The following OR9Q1 variants were observed in gnomAD, a reference collection of about 807,000 sequenced individuals.
The protein encoded by OR9Q1 is olfactory receptor 9Q1.
For synonymous variants in OR9Q1, 153 were observed against 148.6 expected, an observed-to-expected ratio of 1.03 and a Z score of -0.22; for missense variants, 374 against 378.8, an observed-to-expected ratio of 0.99 and a Z score of 0.11.
chr11:58,118,519 T>A (rs1193324952), intron 2 of OR9Q1: 7 of 1,604,918 alleles, frequency 4.4e-6, no homozygotes, highest in Non-Finnish European at 5.1e-6. Flanking sequence ...CAGGGACACC[T>A]GGAGTCTCCT....
chr11:58,126,753 A>G (rs1046616864), intron 2 of OR9Q1, among the ~76,000 whole-genome samples: 2 of 152,222 alleles, frequency 1.3e-5, no homozygotes, highest in Non-Finnish European at 2.9e-5. Flanking sequence ...GGAATGGTAT[A>G]GAAGGTAGAG....
chr11:58,116,111 G>A (rs898407940), intron 2 of OR9Q1, among the ~76,000 whole-genome samples: 2 of 152,136 alleles, frequency 1.3e-5, no homozygotes, highest in South Asian at 2.1e-4. Flanking sequence ...CCCATAGGGT[G>A]GATTAAAAAT....
intron 1 of OR9Q1, among the ~76,000 whole-genome samples, chr11:58,053,508 T>G: frequency 7.0e-6 from 1 of 141,846 alleles, no homozygotes; most frequent in Admixed American, 7.1e-5. Context: ...AAATGACGAG[T>G]TAATGGGTGC....
At chr11:58,164,230 C>T (rs980897293) in intron 2 of OR9Q1, among the ~76,000 whole-genome samples, 1 of 152,154 alleles carries the variant, frequency 6.6e-6, no homozygotes, top group South Asian at 2.1e-4. Flanking sequence ...AATCCTTCCA[C>T]GTTCCTGTCT....
intron 2 of OR9Q1, chr11:58,144,829 GT>G (rs1321298190): frequency 2.0e-5 from 3 of 152,424 alleles, no homozygotes; most frequent in African/African-American, 7.2e-5. Flanking sequence ...CCTTTTGGCT[GT>G]GATGGCTTAT....
intron 2 of OR9Q1, among the ~76,000 whole-genome samples, chr11:58,156,267 T>A (rs977071262): frequency 2.0e-5 from 3 of 152,128 alleles, no homozygotes; most frequent in African/African-American, 7.2e-5. Flanking sequence ...TTATAAAGCC[T>A]AGAAATTCAA....
intron 1 of OR9Q1, among the ~76,000 whole-genome samples, chr11:58,038,876 C>T (rs1384481885): frequency 6.6e-6 from 1 of 152,072 alleles, no homozygotes; most frequent in Non-Finnish European, 1.5e-5. Flanking sequence ...TTTTACATGC[C>T]AAGTCCTTAG....
intron 2 of OR9Q1, among the ~76,000 whole-genome samples, chr11:58,160,373 G>A (rs1206327175): frequency 6.6e-6 from 1 of 152,148 alleles, no homozygotes; most frequent in Non-Finnish European, 1.5e-5. Context: ...GATTGAATGT[G>A]GGCTATAGGA....
At chr11:58,075,785 G>A (rs1424331024) in intron 2 of OR9Q1, among the ~76,000 whole-genome samples, 1 of 152,244 alleles carries the variant, frequency 6.6e-6, no homozygotes, top group Non-Finnish European at 1.5e-5. Context: ...GCTAAGACAA[G>A]TGATGGCATG....
At chr11:58,064,567 G>T (rs1290212807) in intron 2 of OR9Q1, among the ~76,000 whole-genome samples, 1 of 152,116 alleles carries the variant, frequency 6.6e-6, no homozygotes, top group African/African-American at 2.4e-5. Flanking sequence ...GTTGGTTGTG[G>T]GTGGAAGCTG....
intron 2 of OR9Q1, among the ~76,000 whole-genome samples, chr11:58,096,774 G>T (rs1853736712): frequency 6.6e-6 from 1 of 150,930 alleles, no homozygotes; most frequent in Non-Finnish European, 1.5e-5. Flanking sequence ...CGCAATCTCG[G>T]CTCACTACAA....
Position 58,180,628 on chromosome 11 carries a change from C to A in OR9Q1, c.*251C>A, listed in dbSNP as rs1427928316. On this transcript the variant is annotated 3_prime_UTR_variant, in exon 3 of 3. Coordinates refer to ENST00000335397, the MANE Select transcript of OR9Q1 (RefSeq NM_001005212.4). The stretch of plus-strand genomic sequence containing the variant: ...GATTTGAAATTAAAGCCTGTGCAAT[C>A]CAAATATGGCACACTTCACCTGTCT... 4 of 352,768 alleles carry A rather than the reference C, an allele frequency of 1.1e-5. No homozygotes were observed. Among genetic ancestry groups the A allele is most frequent in the South Asian group, 1.1e-4 (1 of 8,780 alleles). 21.9% of individuals were successfully genotyped at this position (352,768 alleles called of 1,614,324 possible). A position where few individuals can be genotyped will look rare whatever the true frequency, so the allele number is the denominator to read the frequency against.
chr11:58,136,245 C>A (rs1854188163), intron 2 of OR9Q1, among the ~76,000 whole-genome samples: 1 of 152,154 alleles, frequency 6.6e-6, no homozygotes, highest in Non-Finnish European at 1.5e-5. Context: ...GCCTGAACAA[C>A]AATTAGATAA....
chr11:58,132,559 TA>T (rs1049241924), intron 2 of OR9Q1, among the ~76,000 whole-genome samples: 1 of 152,210 alleles, frequency 6.6e-6, no homozygotes, highest in African/African-American at 2.4e-5. Context: ...AATTAAATAT[TA>T]GCTGAATAAA....
chr11:58,118,877 T>A, intron 2 of OR9Q1: 1 of 1,614,030 alleles, frequency 6.2e-7, no homozygotes, highest in South Asian at 1.1e-5. Context: ...GCTGTGTCAC[T>A]GCAGGCAAGC....
chr11:58,043,081 G>T (rs1853181903), intron 1 of OR9Q1, among the ~76,000 whole-genome samples: 1 of 152,120 alleles, frequency 6.6e-6, no homozygotes, highest in Non-Finnish European at 1.5e-5. Context: ...ATACAATCAT[G>T]TCGTCTGCAA....
intron 2 of OR9Q1, among the ~76,000 whole-genome samples, chr11:58,097,622 G>C (rs1304726449): frequency 6.6e-6 from 1 of 152,194 alleles, no homozygotes; most frequent in Non-Finnish European, 1.5e-5. Flanking sequence ...AGACAAATAA[G>C]ATGGCGTCAT....
At chr11:58,139,091 A>G (rs1484086207) in intron 2 of OR9Q1, among the ~76,000 whole-genome samples, 1 of 152,202 alleles carries the variant, frequency 6.6e-6, no homozygotes, top group Admixed American at 6.5e-5. Context: ...TAAAAGGAAA[A>G]AGGAGGAAAT....
intron 2 of OR9Q1, chr11:58,118,203 G>T (rs899428910): frequency 1.7e-5 from 4 of 236,976 alleles, no homozygotes; most frequent in African/African-American, 9.0e-5. Context: ...GGGTTGGAAT[G>T]AAATAAACTC....
Sources: allele counts gnomAD v4.1 joint callset (sites outside exome capture counted in the v4.1 genomes callset), GRCh38; gene constraint gnomAD v4.1.1; transcripts MANE v1.5; gene names NCBI Gene and HGNC (gene_info 2026-07-23, HGNC 2026-07-21).